The following PMFBP1 variants were observed in gnomAD, a reference collection of about 807,000 sequenced individuals.
PMFBP1 encodes the protein polyamine-modulated factor 1-binding protein 1.
PMFBP1 carries 131 observed loss-of-function variants against 137.8 expected under a neutral mutation model. The ratio of observed to expected loss-of-function variants is 0.95; its 90% CI spans 0.82 to 1.10. The LOEUF is 1.10. Ranked by LOEUF, PMFBP1 falls within the 50% of genes least tolerant of loss-of-function variation. The pLI is 0.00. For synonymous variants in PMFBP1, 490 were observed against 450.4 expected (o/e 1.09, Z -1.11); for missense variants, 1,199 against 1,175.4 (o/e 1.02, Z -0.29).
chr16:72,174,099 A>C (rs755645045), upstream of PMFBP1: 1 of 152,184 alleles, frequency 6.6e-6, no homozygotes, highest in Admixed American at 6.5e-5. Flanking sequence ...TGAAAACAAA[A>C]ACTTGGTCAG....
the PMFBP1 span, among the ~76,000 whole-genome samples, chr16:72,194,047 C>T: frequency 6.7e-6 from 1 of 149,206 alleles, no homozygotes; most frequent in Non-Finnish European, 1.5e-5. Flanking sequence ...GTCCCCTGAT[C>T]TCTTGGAGCC....
chr16:72,129,287 G>C, intron 12 of PMFBP1, 54 bp from the exon 13 acceptor site: 1 of 1,564,698 alleles, frequency 6.4e-7, no homozygotes, highest in Non-Finnish European at 8.6e-7. Flanking sequence ...TTATATTTGG[G>C]GGAAAAATAC....
rs371667953 is a variant in PMFBP1, at chr16:72,128,359, A to C, written c.2088+298T>G. 12 of 1,332,808 alleles carry C rather than the reference A, an allele frequency of 9.0e-6. No homozygotes were observed. In the African/African-American group the frequency reaches 1.5e-4, roughly 16 times the overall value. 82.6% of individuals were successfully genotyped at this position (1,332,808 alleles called of 1,614,324 possible). On this transcript the variant is annotated intron_variant, in intron 14 of 20. Transcript: ENST00000237353. ...AGTGTTCCCTAGCAAATTGCCCCCCAAAATGGATTCACTCAACTCTGGTCT... is the reference window on the plus strand; with the variant it reads ...AGTGTTCCCTAGCAAATTGCCCCCCCAAATGGATTCACTCAACTCTGGTCT...
chr16:72,249,359 C>G, the PMFBP1 span, among the ~76,000 whole-genome samples: 1 of 150,900 alleles, frequency 6.6e-6, no homozygotes, highest in Admixed American at 6.6e-5. Flanking sequence ...GATCCATTCC[C>G]CAAAGTTTGA....
chr16:72,166,719 T>C (rs1476544935), intron 2 of PMFBP1, among the ~76,000 whole-genome samples: 1 of 152,210 alleles, frequency 6.6e-6, no homozygotes, highest in Non-Finnish European at 1.5e-5. Context: ...TTAGAGTCTG[T>C]CTTGATTGGT....
chr16:72,231,451 G>T, the PMFBP1 span, among the ~76,000 whole-genome samples: 1 of 152,118 alleles, frequency 6.6e-6, no homozygotes, highest in Non-Finnish European at 1.5e-5. Context: ...AACAGTCTAA[G>T]TTTCCCATGT....
the PMFBP1 span, among the ~76,000 whole-genome samples, chr16:72,233,498 T>C: frequency 1.3e-5 from 2 of 152,084 alleles, no homozygotes; most frequent in African/African-American, 2.4e-5. Context: ...TTGTGATGGG[T>C]TGGTAACTAA....
chr16:72,126,901 T>G (rs1053975265), intron 14 of PMFBP1, among the ~76,000 whole-genome samples: 1 of 152,212 alleles, frequency 6.6e-6, no homozygotes, highest in Non-Finnish European at 1.5e-5. Context: ...TTGAAATCAT[T>G]TTAACTGTTT....
At chr16:72,162,171 G>C (rs1189820122) in intron 3 of PMFBP1, among the ~76,000 whole-genome samples, 1 of 152,178 alleles carries the variant, frequency 6.6e-6, no homozygotes, top group South Asian at 2.1e-4. Context: ...GGCAGGGCCA[G>C]GACTACAGTG....
intron 5 of PMFBP1, among the ~76,000 whole-genome samples, chr16:72,147,948 T>G (rs2042837985): frequency 6.6e-6 from 1 of 152,180 alleles, no homozygotes; most frequent in South Asian, 2.1e-4. Context: ...TCAACCATTG[T>G]GGAAGACAGG....
Position 72,124,859 on chromosome 16 carries a change from G to A in PMFBP1, c.2497C>T (p.Leu833Phe). 6.2e-7 allele frequency: 1 copy of A among 1,614,188 alleles called. No homozygotes were observed. Residue 833 changes from leucine to phenylalanine, a missense_variant, in exon 17 of 21, where the codon CTC (leucine) becomes TTC (phenylalanine). Transcript: ENST00000237353. ...LQWQKQHQND[L>F]KMLAAKEEQL... ...TCCTCTTTGGCTGCCAGCATCTTGAGGTCATTCTGGTGTTGCTTCTGCCAC... is the reference window on the plus strand; with the variant it reads ...TCCTCTTTGGCTGCCAGCATCTTGAAGTCATTCTGGTGTTGCTTCTGCCAC...
At chr16:72,125,477 G>A (rs2042442036) in intron 15 of PMFBP1, 72 bp from the exon 16 acceptor site, 2 of 1,512,936 alleles carry the variant, frequency 1.3e-6, no homozygotes, top group Non-Finnish European at 1.8e-6. Context: ...CTGAATGGAG[G>A]AGGGTTCCAG....
chr16:72,137,597 G>A (rs1303866698), intron 7 of PMFBP1, among the ~76,000 whole-genome samples: 1 of 152,164 alleles, frequency 6.6e-6, no homozygotes, highest in Non-Finnish European at 1.5e-5. Context: ...ACATGGAGGA[G>A]GCAAGTGCGG....
At chr16:72,228,905 T>C in the PMFBP1 span, among the ~76,000 whole-genome samples, 1 of 151,664 alleles carries the variant, frequency 6.6e-6, no homozygotes, top group Non-Finnish European at 1.5e-5. Context: ...GATTGTTACA[T>C]GAGTAAACTG....
At position 72,139,547 on chromosome 16, in the gene PMFBP1, A is replaced by T. The variant is rs2042684565; in HGVS notation, c.808-148T>A. 5.8e-6 allele frequency: 4 copies of T among 686,998 alleles called. No individual in the cohort carries two copies. The Admixed American group carries it at 8.7e-5, about 15-fold the overall frequency. The allele number at this position is 686,998 out of a possible 1,614,324, so 42.6% of individuals were successfully genotyped here. ...GGCATTCCCTGTGGGGTAGGTAGGG[A>T]GAAGGAATTAAGCTCCCCATCTTAC... On this transcript the variant is annotated intron_variant, in intron 6 of 20. Transcript: ENST00000237353.
At chr16:72,156,891 A>G (rs1033199219) in intron 3 of PMFBP1, among the ~76,000 whole-genome samples, 52 of 152,014 alleles carry the variant, frequency 3.4e-4, no homozygotes, top group Non-Finnish European at 1.3e-4. Context: ...AGCAGTATAT[A>G]AAACAGACAA....
the PMFBP1 span, among the ~76,000 whole-genome samples, chr16:72,243,353 T>C: frequency 2.6e-5 from 4 of 152,254 alleles, 1 homozygote. Flanking sequence ...TTTGGGAGGA[T>C]TTGGGAGGTT....
rs765345044 is a variant in PMFBP1, at chr16:72,136,781, G to C, written c.957C>G (p.Cys319Trp). 6.9e-5 allele frequency: 112 copies of C among 1,614,054 alleles called. No homozygotes were observed. The highest frequency in any genetic ancestry group is 9.3e-5 in the Non-Finnish European group (110 of 1,180,048). The change falls in exon 8 of 21, where the codon TGC becomes TGG. Residue 319 changes from cysteine to tryptophan, a missense_variant. Coordinates refer to ENST00000237353, the MANE Select transcript of PMFBP1 (RefSeq NM_031293.3). ...GGTTCTGGTACTCCTCCACATGCAG[G>C]CACTGGCTGTCTTTCTGCTCCTGCA... is the stretch of plus-strand genomic sequence containing the variant. Reference protein sequence around the residue: ...KHLQEQKDSQCLHVEEYQNLV... With the variant: ...KHLQEQKDSQWLHVEEYQNLV...
intron 11 of PMFBP1, 27 bp from the exon 12 acceptor site, chr16:72,130,384 G>A (rs2042531060): frequency 3.1e-6 from 5 of 1,613,900 alleles, no homozygotes; most frequent in Non-Finnish European, 3.4e-6. Context: ...GCCACAGGAG[G>A]ACAGACTTCA....
Sources: allele counts gnomAD v4.1 joint callset (sites outside exome capture counted in the v4.1 genomes callset), GRCh38; gene constraint gnomAD v4.1.1; transcripts MANE v1.5; gene names NCBI Gene and HGNC (gene_info 2026-07-23, HGNC 2026-07-21).